Variants in NBEAL1 observed in about 807,000 individuals in gnomAD.
NBEAL1 encodes the protein neurobeachin-like protein 1.
Under a neutral mutation model 351.3 loss-of-function variants are expected in NBEAL1, and 273 were observed. The ratio of observed to expected loss-of-function variants is 0.78; its 90% CI spans 0.70 to 0.86. NBEAL1 has a LOEUF of 0.86. Among genes scored for constraint, NBEAL1 ranks in the 40% least tolerant of loss-of-function variants. The pLI, the probability that NBEAL1 is intolerant of heterozygous loss-of-function variation, is 0.00. For synonymous variants in NBEAL1, 1,050 were observed against 1,086.4 expected (o/e 0.97, Z 0.66); for missense variants, 2,961 against 3,201.3 (o/e 0.92, Z 1.81).
At position 203,183,328 on chromosome 2, in the gene NBEAL1, C is replaced by T. The variant is rs1195302757; in HGVS notation, c.6645C>T (p.Val2215=). 1 of 1,603,334 alleles carries T rather than the reference C, an allele frequency of 6.2e-7. No individual in the cohort carries two copies. Residue 2215 remains valine, a synonymous_variant, in exon 44 of 56, where the codon GTC becomes GTT. Transcript: ENST00000683969. The stretch of plus-strand genomic sequence containing the variant: ...TTTCCAAAGAATTAGTAAATGATGT[C>T]ATTCTCCCGAAATGGGCTAAATCAG... ...LQISKELVND[V]ILPKWAKSAE... is the part of the protein sequence containing the mutation.
chr2:203,202,263 G>A (rs2065421302), intron 50 of NBEAL1, among the ~76,000 whole-genome samples: 1 of 152,100 alleles, frequency 6.6e-6, no homozygotes, highest in Non-Finnish European at 1.5e-5. Context: ...AAATATATTT[G>A]TATTGTGAAT....
At chr2:203,117,534 A>G (rs1271290825) in intron 18 of NBEAL1, among the ~76,000 whole-genome samples, 1 of 152,246 alleles carries the variant, frequency 6.6e-6, no homozygotes, top group Non-Finnish European at 1.5e-5. Context: ...AGTATAATGG[A>G]AGCAATTAAT....
In NBEAL1 at chr2:203,127,765, T is replaced by C; in HGVS notation, c.3249-16T>C. On this transcript the variant is annotated splice_polypyrimidine_tract_variant and intron_variant, in intron 23 of 55. Transcript: ENST00000683969. ...AAATTAAAATTTCAATTCTTATACTTTGTTTTGTCTTTCAGGAATGGTTGT... is the reference window on the plus strand; with the variant it reads ...AAATTAAAATTTCAATTCTTATACTCTGTTTTGTCTTTCAGGAATGGTTGT... 6.9e-7 allele frequency: 1 copy of C among 1,448,776 alleles called. No individual in the cohort carries two copies. The highest frequency in any genetic ancestry group is 9.4e-7 in the Non-Finnish European group (1 of 1,061,878). 89.7% of individuals were successfully genotyped at this position (1,448,776 alleles called of 1,614,324 possible).
chr2:203,049,784 G>T, intron 3 of NBEAL1, 30 bp from the exon 4 acceptor site: 2 of 1,490,512 alleles, frequency 1.3e-6, no homozygotes, highest in Non-Finnish European at 1.8e-6. Context: ...ATTTCAACAG[G>T]CTTCTTATTT....
At chr2:203,110,070 C>A in intron 14 of NBEAL1, 80 bp from the exon 15 acceptor site, 2 of 1,339,000 alleles carry the variant, frequency 1.5e-6, no homozygotes, top group Non-Finnish European at 2.0e-6. Flanking sequence ...TTCATGATGG[C>A]TTTATGGTTT....
intron 8 of NBEAL1, among the ~76,000 whole-genome samples, chr2:203,079,565 T>TA (rs1357878774): frequency 6.6e-6 from 1 of 152,194 alleles, no homozygotes; most frequent in East Asian, 1.9e-4. Flanking sequence ...CGAAAGTTTT[T>TA]ATCTTCTCTT....
At chr2:203,130,571 T>A in intron 25 of NBEAL1, 95 bp downstream of exon 25, 1 of 780,120 alleles carries the variant, frequency 1.3e-6, no homozygotes, top group Non-Finnish European at 1.8e-6. Flanking sequence ...TAAATTATTT[T>A]TATATCTATT....
chr2:203,073,362 A>C (rs1428509905), intron 7 of NBEAL1, among the ~76,000 whole-genome samples: 1 of 152,230 alleles, frequency 6.6e-6, no homozygotes, highest in African/African-American at 2.4e-5. Context: ...AAAGTTGTTC[A>C]TAGTATTTCT....
In NBEAL1 at chr2:203,126,028, C is replaced by A; in HGVS notation, c.2920C>A (p.Pro974Thr). 6.5e-7 allele frequency: 1 copy of A among 1,543,682 alleles called. No homozygotes were observed. The highest frequency in any genetic ancestry group is 8.7e-7 in the Non-Finnish European group (1 of 1,143,658). Residue 974 changes from proline to threonine, a missense_variant, in exon 21 of 56, where the codon CCT (proline) becomes ACT (threonine). Coordinates refer to ENST00000683969, the MANE Select transcript of NBEAL1 (RefSeq NM_001378026.1). ...TGTGAAACATTTTATTCAGAGACAT[C>A]CTATCAACCAGGGCAATCTTATTCA... ...LIVKHFIQRH[P>T]INQGNLIHSH...
intron 15 of NBEAL1, 126 bp downstream of exon 15, chr2:203,110,408 C>A: frequency 1.0e-6 from 1 of 974,916 alleles, no homozygotes; most frequent in Non-Finnish European, 1.5e-6. Flanking sequence ...CAGTGGCACA[C>A]CTGTACGTAA....
chr2:203,128,653 A>C (rs1171403530), intron 24 of NBEAL1, among the ~76,000 whole-genome samples: 14 of 144,426 alleles, frequency 9.7e-5, no homozygotes, highest in Non-Finnish European at 3.0e-5. Flanking sequence ...GCTGGAGTGC[A>C]GTGGCACAAT....
At chr2:203,148,943 C>T (rs530712641) in intron 33 of NBEAL1, 48 bp from the exon 34 acceptor site, 21 of 1,472,278 alleles carry the variant, frequency 1.4e-5, no homozygotes, top group Admixed American at 1.1e-4. Context: ...TGTAAATATA[C>T]CTGTAAATAT....
chr2:203,154,934 C>CTAA (rs2063758668), intron 35 of NBEAL1, among the ~76,000 whole-genome samples: 1 of 92,724 alleles, frequency 1.1e-5, no homozygotes. Context: ...GACCTTGTCT[C>CTAA]AAAAAAAAAA....
At position 203,083,345 on chromosome 2, in the gene NBEAL1, T is replaced by C; in HGVS notation, c.811T>C (p.Cys271Arg). The change falls in exon 9 of 56, where the codon TGC (cysteine) becomes CGC (arginine). Residue 271 changes from cysteine (C) to arginine (R), a missense_variant. Coordinates refer to ENST00000683969, the MANE Select transcript of NBEAL1 (RefSeq NM_001378026.1). ...VGRKAELTLK[C>R]LTEVVHILLS... ...TAGGAAGGCAGAACTAACTCTGAAG[T>C]GCCTTACAGAAGTGGTACATATCCT... 6.4e-7 allele frequency: 1 copy of C among 1,554,390 alleles called. No homozygotes were observed. The highest frequency in any genetic ancestry group is 8.7e-7 in the Non-Finnish European group (1 of 1,147,698).
chr2:203,056,442 G>T lies in NBEAL1; in HGVS notation c.321G>T (p.Val107=). 6.5e-7 allele frequency: 1 copy of T among 1,542,766 alleles called. No individual in the cohort carries two copies. Among genetic ancestry groups the T allele is most frequent in the African/African-American group, 1.4e-5 (1 of 73,268 alleles). ...TTTCTCACAGAAATCTATCAAATGT[G>T]GAAGAAATTGGGACTTGCTCGTACA... is the stretch of plus-strand genomic sequence containing the variant. ...FIILCRNLSN[V]EEIGTCSYIN... The change falls in exon 5 of 56, where the codon GTG becomes GTT. Residue 107 remains valine (V), a synonymous_variant. Coordinates refer to ENST00000683969, the MANE Select transcript of NBEAL1 (RefSeq NM_001378026.1).
intron 10 of NBEAL1, among the ~76,000 whole-genome samples, chr2:203,097,307 A>G (rs1545885): frequency 0.44 from 67,482 of 152,048 alleles, 17,182 homozygotes; most frequent in Middle Eastern, 0.67. Flanking sequence ...AACTAGTCCT[A>G]ATTATTGCCA....
intron 50 of NBEAL1, 51 bp downstream of exon 50, chr2:203,201,766 T>G (rs1333052923): frequency 1.3e-6 from 2 of 1,494,530 alleles, no homozygotes; most frequent in African/African-American, 2.8e-5. Context: ...CTTTTTTTCT[T>G]AAGTATAAAA....
At chr2:203,112,901 T>G in intron 16 of NBEAL1, 114 bp from the exon 17 acceptor site, 1 of 1,063,508 alleles carries the variant, frequency 9.4e-7, no homozygotes, top group Non-Finnish European at 1.3e-6. Context: ...CTTCCACTTT[T>G]ATTTTCAATG....
intron 2 of NBEAL1, 131 bp from the exon 3 acceptor site, chr2:203,041,634 A>T: frequency 1.6e-6 from 1 of 633,204 alleles, no homozygotes. Flanking sequence ...TTAAAACAGC[A>T]CATATGTACT....
Sources: gnomAD v4.1 joint callset for allele counts (sites outside exome capture counted in the v4.1 genomes callset) on GRCh38, gnomAD v4.1.1 for gene constraint, MANE v1.5 for transcripts, NCBI Gene and HGNC (gene_info 2026-07-23, HGNC 2026-07-21) for gene names.